TBC1D4: variants seen among roughly 807,000 people sequenced by gnomAD.
TBC1D4 encodes the protein TBC1 domain family member 4.
TBC1D4 carries 121 observed loss-of-function variants against 142.5 expected under a neutral mutation model. That is an observed-to-expected ratio of 0.85 (90% confidence interval 0.73 to 0.99). The LOEUF (loss-of-function observed/expected upper bound fraction) is 0.99. TBC1D4 is among the 50% of genes least tolerant of loss of function. The pLI, the probability that TBC1D4 is intolerant of heterozygous loss-of-function variation, is 0.00. For synonymous variants in TBC1D4, 630 were observed against 628.2 expected, an observed-to-expected ratio of 1.00 and a Z score of -0.04; for missense variants, 1,475 against 1,606.6, an observed-to-expected ratio of 0.92 and a Z score of 1.40.
At chr13:75,463,361 T>C (rs1460066988) in intron 1 of TBC1D4, among the ~76,000 whole-genome samples, 1 of 152,124 alleles carries the variant, frequency 6.6e-6, no homozygotes, top group Admixed American at 6.5e-5. Flanking sequence ...GGAAGGGGCC[T>C]TGGGTCCCCT....
chr13:75,409,497 T>A (rs1885497142), intron 1 of TBC1D4, among the ~76,000 whole-genome samples: 1 of 152,346 alleles, frequency 6.6e-6, no homozygotes, highest in East Asian at 1.9e-4. Context: ...TGTAGATTTA[T>A]TCACATTAAA....
In TBC1D4 at chr13:75,312,725, G is replaced by A; in HGVS notation, c.2383+13C>T. ...CTCAGAGGGATAAATTCCTTAGGGA[G>A]TGCAACACAGACCTTGCTGTTGCAT... On this transcript the variant is annotated intron_variant, in intron 13 of 20. Transcript: ENST00000377636. 1 of 1,614,138 alleles carries A rather than the reference G, an allele frequency of 6.2e-7. No homozygotes were observed. Among genetic ancestry groups the A allele is most frequent in the African/African-American group, 1.3e-5 (1 of 75,030 alleles).
intron 19 of TBC1D4, among the ~76,000 whole-genome samples, chr13:75,291,385 C>T (rs1003386940): frequency 6.6e-6 from 1 of 152,176 alleles, no homozygotes; most frequent in Non-Finnish European, 1.5e-5. Flanking sequence ...ATTATATCCT[C>T]CACTTAGCTC....
chr13:75,414,795 A>T (rs1416211390), intron 1 of TBC1D4, among the ~76,000 whole-genome samples: 1 of 152,178 alleles, frequency 6.6e-6, no homozygotes, highest in Non-Finnish European at 1.5e-5. Flanking sequence ...CAAAGTCAAC[A>T]ATGTGAAGAC....
At chr13:75,473,578 C>T (rs1888505856) in intron 1 of TBC1D4, among the ~76,000 whole-genome samples, 1 of 152,156 alleles carries the variant, frequency 6.6e-6, no homozygotes, top group South Asian at 2.1e-4. Context: ...TTAAGGGTAT[C>T]CACAAAATAA....
intron 15 of TBC1D4, among the ~76,000 whole-genome samples, chr13:75,305,273 G>A (rs188316083): frequency 6.6e-6 from 1 of 152,270 alleles, no homozygotes; most frequent in African/African-American, 2.4e-5. Context: ...CTCAGTCTTG[G>A]GTTTGTCTTT....
intron 15 of TBC1D4, among the ~76,000 whole-genome samples, chr13:75,304,395 A>C (rs1449938161): frequency 6.6e-6 from 1 of 152,212 alleles, no homozygotes; most frequent in Non-Finnish European, 1.5e-5. Context: ...TTCTCAGGAA[A>C]ATCATCTCAT....
intron 20 of TBC1D4, among the ~76,000 whole-genome samples, chr13:75,288,105 T>C (rs978654150): frequency 3.3e-5 from 5 of 152,228 alleles, no homozygotes; most frequent in Admixed American, 3.3e-4. Context: ...GAGACAGATA[T>C]ATAGTATTTT....
chr13:75,344,871 T>C (rs1473190689), intron 5 of TBC1D4, among the ~76,000 whole-genome samples: 5 of 152,250 alleles, frequency 3.3e-5, no homozygotes, highest in African/African-American at 4.8e-5. Context: ...TATCTGGTTT[T>C]TTAAAATATC....
chr13:75,368,483 CA>C (rs35850839), intron 1 of TBC1D4, among the ~76,000 whole-genome samples: 42,234 of 152,060 alleles, frequency 0.28, 6,688 homozygotes, highest in African/African-American at 0.44. Flanking sequence ...GCTCCAAACC[CA>C]TTTATGGTTC....
chr13:75,377,322 G>T (rs1883570025), intron 1 of TBC1D4: 2 of 152,172 alleles, frequency 1.3e-5, no homozygotes, highest in Non-Finnish European at 2.9e-5. Flanking sequence ...GTGAGACTTT[G>T]TTCTCCAAAA....
At chr13:75,319,884 C>T in intron 12 of TBC1D4, 130 bp downstream of exon 12, 3 of 869,468 alleles carry the variant, frequency 3.5e-6, no homozygotes, top group East Asian at 2.7e-5. Context: ...TACTATATAG[C>T]CCTCAGAGCA....
intron 1 of TBC1D4, among the ~76,000 whole-genome samples, chr13:75,434,964 A>T (rs1305508066): frequency 6.6e-6 from 1 of 150,654 alleles, no homozygotes; most frequent in African/African-American, 2.4e-5. Flanking sequence ...CCTGGCCAAC[A>T]TGGCAAAACC....
chr13:75,375,366 T>C (rs1439003936), intron 1 of TBC1D4: 2 of 152,192 alleles, frequency 1.3e-5, no homozygotes, highest in Non-Finnish European at 2.9e-5. Context: ...CCCTTGTGTC[T>C]AAGAGTTCTA....
intron 1 of TBC1D4, among the ~76,000 whole-genome samples, chr13:75,473,539 A>G (rs1242822777): frequency 6.6e-6 from 1 of 152,220 alleles, no homozygotes; most frequent in Non-Finnish European, 1.5e-5. Flanking sequence ...AAAATTCACA[A>G]AAGTTAAAAG....
intron 1 of TBC1D4, among the ~76,000 whole-genome samples, chr13:75,457,530 G>C (rs1189681182): frequency 6.6e-6 from 1 of 152,190 alleles, no homozygotes; most frequent in Non-Finnish European, 1.5e-5. Context: ...GTAGAAATGG[G>C]AGAATACAGT....
chr13:75,438,429 T>A (rs1886891341), intron 1 of TBC1D4, among the ~76,000 whole-genome samples: 1 of 152,172 alleles, frequency 6.6e-6, no homozygotes, highest in East Asian at 1.9e-4. Flanking sequence ...TGTAAATGCC[T>A]AAGGATAGAA....
At chr13:75,334,825 A>G (rs1880062701) in intron 8 of TBC1D4, among the ~76,000 whole-genome samples, 1 of 152,064 alleles carries the variant, frequency 6.6e-6, no homozygotes, top group African/African-American at 2.4e-5. Flanking sequence ...TGGTTACATG[A>G]GTAAGTTCTT....
At chr13:75,437,009 T>C (rs1886827704) in intron 1 of TBC1D4, among the ~76,000 whole-genome samples, 1 of 152,078 alleles carries the variant, frequency 6.6e-6, no homozygotes, top group Non-Finnish European at 1.5e-5. Flanking sequence ...AACTGAGAAA[T>C]ATCCTAAAAA....
Sources: gnomAD v4.1 joint callset for allele counts (sites outside exome capture counted in the v4.1 genomes callset) on GRCh38, gnomAD v4.1.1 for gene constraint, MANE v1.5 for transcripts, NCBI Gene and HGNC (gene_info 2026-07-23, HGNC 2026-07-21) for gene names.